SENP7: variants seen among roughly 807,000 people sequenced by gnomAD.
SENP7 encodes the protein sentrin-specific protease 7.
A neutral mutation model predicts 141.2 loss-of-function variants in SENP7; 64 were observed. That is an observed-to-expected ratio of 0.45 (90% CI 0.37 to 0.56). The LOEUF is 0.56. Among genes scored for constraint, SENP7 ranks in the 20% least tolerant of loss-of-function variants. The probability of loss-of-function intolerance (pLI) is 0.00; values close to 1 mark genes in which losing one functional copy is unlikely to be tolerated. For missense variants in SENP7, 1,025 were observed against 1,212.2 expected, an observed-to-expected ratio of 0.85 and a Z score of 2.29; for synonymous variants, 382 against 426.4, an observed-to-expected ratio of 0.90 and a Z score of 1.28.
chr3:101,457,176 G>C, intron 4 of SENP7: 1 of 1,129,458 alleles, frequency 8.9e-7, no homozygotes, highest in South Asian at 1.2e-5. Context: ...TTAAAAAGTA[G>C]TCATAATATA....
chr3:101,512,436 C>CA (rs1307277761), intron 1 of SENP7, among the ~76,000 whole-genome samples: 1 of 152,122 alleles, frequency 6.6e-6, no homozygotes, highest in Non-Finnish European at 1.5e-5. Context: ...ACGTCCAAAA[C>CA]AAAAAATATG....
chr3:101,459,108 T>C (rs746684399), intron 3 of SENP7, 56 bp from the exon 4 acceptor site: 3 of 954,530 alleles, frequency 3.1e-6, no homozygotes, highest in Admixed American at 2.3e-5. Context: ...ACAAGAGGCA[T>C]TTAAACTGTT....
chr3:101,488,920 G>A (rs1018842686), intron 3 of SENP7, among the ~76,000 whole-genome samples: 3 of 152,156 alleles, frequency 2.0e-5, no homozygotes, highest in Non-Finnish European at 4.4e-5. Context: ...GAAGGGTCAG[G>A]TCATGTACAG....
At chr3:101,389,737 A>G (rs2060757726) in intron 6 of SENP7, among the ~76,000 whole-genome samples, 1 of 152,248 alleles carries the variant, frequency 6.6e-6, no homozygotes, top group Admixed American at 6.5e-5. Context: ...GAACAGATAT[A>G]CAAATGAAAA....
chr3:101,341,652 A>G lies in SENP7; in HGVS notation c.2234T>C (p.Val745Ala). The change falls in exon 15 of 24, where the codon GTT (valine) becomes GCT (alanine). Residue 745 changes from valine to alanine, a missense_variant. By Grantham distance (64) the Val-to-Ala change is moderately conservative (BLOSUM62 0). Around this residue, in one of 4 missense-constraint regions of SENP7, gnomAD observed 295 missense variants for 459.1 expected, o/e 0.64. Coordinates refer to ENST00000394095, the MANE Select transcript of SENP7 (RefSeq NM_020654.5). ...ATGCTATGACAGTACATACTTCTGA[A>G]CAAGTCCAGTGTGCCTGACTTCTCG... ...EWREVRHTGL[V>A]QKLIVYPPPP... 5.0e-6 allele frequency: 8 copies of G among 1,600,508 alleles called. No homozygotes were observed. Among genetic ancestry groups the G allele is most frequent in the Non-Finnish European group, 6.8e-6 (8 of 1,170,248 alleles).
chr3:101,431,741 G>A (rs1225023028), intron 4 of SENP7, among the ~76,000 whole-genome samples: 6 of 151,478 alleles, frequency 4.0e-5, no homozygotes, highest in Admixed American at 2.0e-4. Flanking sequence ...CCAAGATTGC[G>A]CCATTGCACT....
At chr3:101,485,457 A>G (rs796533804) in intron 3 of SENP7, among the ~76,000 whole-genome samples, 4 of 152,286 alleles carry the variant, frequency 2.6e-5, no homozygotes, top group African/African-American at 9.6e-5. Context: ...AACCCCCAGT[A>G]TGAGGCCAGA....
At chr3:101,470,901 A>G (rs181799311) in intron 3 of SENP7, among the ~76,000 whole-genome samples, 1 of 152,342 alleles carries the variant, frequency 6.6e-6, no homozygotes, top group African/African-American at 2.4e-5. Context: ...CCCATTCACA[A>G]TTGCTTCAAA....
At chr3:101,472,439 G>A (rs1226809330) in intron 3 of SENP7, among the ~76,000 whole-genome samples, 1 of 152,122 alleles carries the variant, frequency 6.6e-6, no homozygotes, top group Non-Finnish European at 1.5e-5. Context: ...CTCGTAGGTG[G>A]GAACTGAACA....
chr3:101,419,515 C>G (rs528617286), intron 4 of SENP7, among the ~76,000 whole-genome samples: 46 of 152,058 alleles, frequency 3.0e-4, no homozygotes, highest in Non-Finnish European at 6.2e-4. Flanking sequence ...GGAGCAGAAA[C>G]CAGAATACAG....
In SENP7 at chr3:101,353,829, T is replaced by G. The variant is rs1303475498; in HGVS notation, c.1624-2178A>C. The stretch of plus-strand genomic sequence containing the variant: ...TAAGTATTTTTCTAATTCAGCTAAA[T>G]TGTAACTACTGTGAGAGTCAGAACA... On this transcript the variant is annotated intron_variant, in intron 11 of 23. Transcript: ENST00000394095. Among the ~76,000 whole-genome samples the G allele has an allele frequency of 2.0e-5, 3 of 152,036 alleles. No individual in the cohort carries two copies. In the East Asian group the frequency reaches 5.8e-4, roughly 29 times the overall value.
At chr3:101,450,194 G>A (rs2063072738) in intron 4 of SENP7, among the ~76,000 whole-genome samples, 1 of 152,156 alleles carries the variant, frequency 6.6e-6, no homozygotes, top group African/African-American at 2.4e-5. Context: ...CAACACAGGA[G>A]GACCCAGATT....
In SENP7 at chr3:101,371,832, G is replaced by A. The variant is rs1271272506; in HGVS notation, c.796+176C>T. Among the ~76,000 whole-genome samples the A allele has an allele frequency of 2.0e-5, 3 of 152,190 alleles. No individual in the cohort carries two copies. The East Asian group carries it at 5.8e-4, about 29-fold the overall frequency. The stretch of plus-strand genomic sequence containing the variant: ...GGGATTAGTAAATAAATCTAGAAAT[G>A]AGTACTACGCTACATAAAGAGTAGG... On this transcript the variant is annotated intron_variant, in intron 7 of 23. Transcript: ENST00000394095.
At chr3:101,365,566 G>T (rs1246521088) in intron 9 of SENP7, among the ~76,000 whole-genome samples, 3 of 149,560 alleles carry the variant, frequency 2.0e-5, no homozygotes, top group African/African-American at 4.9e-5. Context: ...GCCCAGGAGG[G>T]GGAGGTTGCA....
intron 3 of SENP7, among the ~76,000 whole-genome samples, chr3:101,480,492 C>T (rs1342606261): frequency 6.6e-6 from 1 of 152,140 alleles, no homozygotes; most frequent in Non-Finnish European, 1.5e-5. Context: ...AACCAGACCC[C>T]TATTCCTCAC....
At chr3:101,417,558 G>C (rs9859077) in intron 5 of SENP7, 35 bp downstream of exon 5, 463,170 of 1,489,614 alleles carry the variant, frequency 0.31, 76,772 homozygotes, top group Non-Finnish European at 0.34. Flanking sequence ...TTTCAAATGT[G>C]GTAAGTTGAA....
At chr3:101,433,048 A>G (rs2062243307) in intron 4 of SENP7, among the ~76,000 whole-genome samples, 2 of 152,218 alleles carry the variant, frequency 1.3e-5, no homozygotes, top group African/African-American at 4.8e-5. Flanking sequence ...AATAACTACA[A>G]TAACTTTTCA....
At chr3:101,468,816 C>T (rs538364161) in intron 3 of SENP7, among the ~76,000 whole-genome samples, 1 of 152,202 alleles carries the variant, frequency 6.6e-6, no homozygotes, top group East Asian at 1.9e-4. Context: ...GGCAAAATAA[C>T]CAGCGAACAT....
chr3:101,406,053 A>C (rs1186004781), intron 5 of SENP7, among the ~76,000 whole-genome samples: 1 of 152,228 alleles, frequency 6.6e-6, no homozygotes, highest in African/African-American at 2.4e-5. Flanking sequence ...AGAACTAGAA[A>C]TACTATTTGA....
Sources: allele counts gnomAD v4.1 joint callset (sites outside exome capture counted in the v4.1 genomes callset), GRCh38; gene constraint gnomAD v4.1.1; regional missense constraint gnomAD v4.1.1; transcripts MANE v1.5; gene names NCBI Gene and HGNC (gene_info 2026-07-23, HGNC 2026-07-21).